Variants in PARD6B observed in about 807,000 individuals in gnomAD.
PARD6B encodes par-6 family cell polarity regulator beta, also known as partitioning defective 6 homolog beta.
A neutral mutation model predicts 10.5 loss-of-function variants in PARD6B; 4 were observed. That is an observed-to-expected ratio of 0.38 (90% CI 0.19 to 0.87). PARD6B has a LOEUF of 0.87. PARD6B is among the 40% of genes least tolerant of loss of function. The pLI is 0.41. For synonymous variants in PARD6B, 169 were observed against 170.4 expected (o/e 0.99, Z 0.07); for missense variants, 396 against 470.6 (o/e 0.84, Z 1.47).
intron 2 of PARD6B, among the ~76,000 whole-genome samples, chr20:50,746,570 C>CT (rs1427043149): frequency 6.6e-6 from 1 of 152,226 alleles, no homozygotes; most frequent in Non-Finnish European, 1.5e-5. Context: ...CACCTTTACA[C>CT]TTTAACACCC....
intron 2 of PARD6B, among the ~76,000 whole-genome samples, chr20:50,739,414 C>T (rs2087518094): frequency 6.6e-6 from 1 of 151,956 alleles, no homozygotes; most frequent in South Asian, 2.1e-4. Flanking sequence ...GCACTCCAGC[C>T]TGGGCAACAG....
intron 1 of PARD6B, among the ~76,000 whole-genome samples, chr20:50,737,517 G>A (rs962132694): frequency 6.6e-6 from 1 of 152,148 alleles, no homozygotes; most frequent in Admixed American, 6.5e-5. Flanking sequence ...ATGCACCTGA[G>A]GAGAGCATTG....
chr20:50,731,986 CTG>C (rs889153542), intron 1 of PARD6B, 134 bp downstream of exon 1: 17 of 569,818 alleles, frequency 3.0e-5, no homozygotes, highest in Non-Finnish European at 4.3e-5. Flanking sequence ...GGTCGGGAGA[CTG>C]TGGGTAATAA....
rs142463339 is a variant in PARD6B at position 50,750,087 on chromosome 20, C to T, written c.718C>T (p.Arg240Cys). Reference sequence around the variant, plus strand: ...AACAGACATGATGATTGCAAATAGCCGTAACCTCATCATAACAGTGAGACC... The same window carrying T: ...AACAGACATGATGATTGCAAATAGCTGTAACCTCATCATAACAGTGAGACC... The part of the protein sequence containing the change: ...QVTDMMIANS[R>C]NLIITVRPAN... The change falls in exon 3 of 3, where the codon CGT becomes TGT. Residue 240 changes from arginine (R) to cysteine (C), a missense_variant. Coordinates refer to ENST00000371610, the MANE Select transcript of PARD6B (RefSeq NM_032521.3). 75 of 1,614,034 alleles carry T rather than the reference C, an allele frequency of 4.6e-5. No homozygotes were observed. The highest frequency in any genetic ancestry group is 2.7e-4 in the African/African-American group (20 of 74,916).
chr20:50,739,567 T>C (rs1465854479), intron 2 of PARD6B, among the ~76,000 whole-genome samples: 1 of 152,208 alleles, frequency 6.6e-6, no homozygotes, highest in Admixed American at 6.5e-5. Flanking sequence ...ACTGATTATG[T>C]ATCTTTGCTT....
intron 2 of PARD6B, among the ~76,000 whole-genome samples, chr20:50,740,334 A>G (rs1367177708): frequency 1.3e-5 from 2 of 152,212 alleles, no homozygotes; most frequent in African/African-American, 4.8e-5. Flanking sequence ...TTCTTTAAAA[A>G]GTTAGTTGCT....
intron 1 of PARD6B, among the ~76,000 whole-genome samples, chr20:50,733,418 C>G (rs538284117): frequency 3.9e-4 from 59 of 152,056 alleles, no homozygotes; most frequent in African/African-American, 1.4e-3. Flanking sequence ...GAGCAAAACT[C>G]CATCTCAAAA....
intron 2 of PARD6B, among the ~76,000 whole-genome samples, chr20:50,743,009 T>G (rs988981171): frequency 2.0e-5 from 3 of 152,202 alleles, no homozygotes; most frequent in African/African-American, 7.2e-5. Flanking sequence ...TCCTAATTGA[T>G]TCGGGAGATG....
At position 50,753,358 on chromosome 20, in the gene PARD6B, T is replaced by C. The variant is rs146760168; in HGVS notation, c.*2870T>C. 1.1e-3 allele frequency: 1,062 copies of C among 985,288 alleles called. 4 individuals carry two copies. In the African/African-American group the frequency reaches 0.017, roughly 16 times the overall value. The allele number at this position is 985,288 out of a possible 1,614,324, so 61.0% of individuals were successfully genotyped here. The stretch of plus-strand genomic sequence containing the variant: ...CCTGGTTATACGATAAAATATCAGC[T>C]CATTGGTAGGCTGAATCAATTATTT... On this transcript the variant is annotated 3_prime_UTR_variant, in exon 3 of 3. Transcript: ENST00000371610.
intron 1 of PARD6B, among the ~76,000 whole-genome samples, chr20:50,734,025 GCTAA>G (rs1452712795): frequency 6.6e-6 from 1 of 152,144 alleles, no homozygotes; most frequent in East Asian, 1.9e-4. Context: ...TGCACTTTCA[GCTAA>G]CTGTGTCTTT....
At chr20:50,742,670 A>G (rs2087537482) in intron 2 of PARD6B, among the ~76,000 whole-genome samples, 1 of 152,126 alleles carries the variant, frequency 6.6e-6, no homozygotes, top group African/African-American at 2.4e-5. Context: ...CTGGCCCCCA[A>G]GTGATTTTTG....
intron 2 of PARD6B, 75 bp downstream of exon 2, chr20:50,738,154 C>CT: frequency 9.2e-7 from 1 of 1,090,922 alleles, no homozygotes; most frequent in Non-Finnish European, 1.3e-6. Flanking sequence ...GATACCCAGA[C>CT]TTTGCCACAA....
Position 50,752,147 on chromosome 20 carries a change from G to T in PARD6B, c.*1659G>T, listed in dbSNP as rs1005875909. The T allele has an allele frequency of 2.0e-6, 2 of 985,422 alleles. No individual in the cohort carries two copies. The highest frequency in any genetic ancestry group is 6.2e-5 in the Admixed American group (1 of 16,256). 61.0% of individuals were successfully genotyped at this position (985,422 alleles called of 1,614,324 possible). A position where few individuals can be genotyped will look rare whatever the true frequency, so the allele number is the denominator to read the frequency against. On this transcript the variant is annotated 3_prime_UTR_variant, in exon 3 of 3. Transcript: ENST00000371610. ...TTCTCTTGACTTTGGAAATATGGAA[G>T]TCTCTCCTTTAACCTATTCTTGTTC...
chr20:50,733,009 C>G (rs924614923), intron 1 of PARD6B, among the ~76,000 whole-genome samples: 2 of 152,074 alleles, frequency 1.3e-5, no homozygotes, highest in African/African-American at 4.8e-5. Context: ...GGAAAGCTTC[C>G]TAGAGCCTCT....
At chr20:50,740,195 CAT>C (rs1383468497) in intron 2 of PARD6B, among the ~76,000 whole-genome samples, 1 of 152,088 alleles carries the variant, frequency 6.6e-6, no homozygotes, top group African/African-American at 2.4e-5. Context: ...TGGGAGTAGA[CAT>C]AAAGGCTATC....
In PARD6B at chr20:50,731,833, C is replaced by T; in HGVS notation, c.47C>T (p.Thr16Ile). 6.8e-7 allele frequency: 1 copy of T among 1,460,616 alleles called. No homozygotes were observed. The highest frequency in any genetic ancestry group is 1.3e-5 in the South Asian group (1 of 75,888). 90.5% of individuals were successfully genotyped at this position (1,460,616 alleles called of 1,614,324 possible). Reference protein sequence around the residue: ...RHGAGSGCLGTMEVKSKFGAE... With the variant: ...RHGAGSGCLGIMEVKSKFGAE... ...GGGGCGGGCAGCGGCTGCCTGGGCA[C>T]TATGGAGGTGAAGAGCAAGGTGCGC... Residue 16 changes from threonine to isoleucine, a missense_variant, in exon 1 of 3, where the codon ACT (threonine) becomes ATT (isoleucine). Around this residue, in one of 2 missense-constraint regions of PARD6B, gnomAD observed 208 missense variants for 300.9 expected, o/e 0.69. Coordinates refer to ENST00000371610, the MANE Select transcript of PARD6B (RefSeq NM_032521.3).
chr20:50,742,087 C>G (rs1277953889), intron 2 of PARD6B, among the ~76,000 whole-genome samples: 1 of 152,174 alleles, frequency 6.6e-6, no homozygotes, highest in African/African-American at 2.4e-5. Context: ...AAGTCTTGCT[C>G]TGTCACCCAG....
chr20:50,742,728 T>C (rs1266416507), intron 2 of PARD6B, among the ~76,000 whole-genome samples: 2 of 152,194 alleles, frequency 1.3e-5, no homozygotes, highest in African/African-American at 4.8e-5. Flanking sequence ...ATGTGATCTT[T>C]TAACATCTGA....
intron 2 of PARD6B, among the ~76,000 whole-genome samples, chr20:50,747,958 T>C (rs2087578578): frequency 6.6e-6 from 1 of 152,168 alleles, no homozygotes; most frequent in Non-Finnish European, 1.5e-5. Context: ...GAGGACAAAA[T>C]ACCATTGAAC....
Sources: allele counts gnomAD v4.1 joint callset (sites outside exome capture counted in the v4.1 genomes callset), GRCh38; gene constraint gnomAD v4.1.1; regional missense constraint gnomAD v4.1.1; transcripts MANE v1.5; gene names NCBI Gene and HGNC (gene_info 2026-07-23, HGNC 2026-07-21).